The following FAM53A variants were observed in gnomAD, a reference collection of about 807,000 sequenced individuals.
The protein encoded by FAM53A is protein FAM53A.
A neutral mutation model predicts 26.6 loss-of-function variants in FAM53A; 28 were observed. That is an observed-to-expected ratio of 1.05 (90% CI 0.78 to 1.45). FAM53A has a LOEUF of 1.45. FAM53A is among the 40% of genes most tolerant of loss of function. FAM53A has a pLI of 0.00. For synonymous variants in FAM53A, 290 were observed against 253.1 expected, an observed-to-expected ratio of 1.15 and a Z score of -1.38; for missense variants, 650 against 575.8, an observed-to-expected ratio of 1.13 and a Z score of -1.32.
downstream of FAM53A, among the ~76,000 whole-genome samples, chr4:1,637,152 T>TGGGCTG (rs1195967364): frequency 7.2e-6 from 1 of 139,368 alleles, no homozygotes; most frequent in Non-Finnish European, 1.6e-5. Context: ...GGCTCTCAGC[T>TGGGCTG]GGGCTGGGCT....
At chr4:1,635,453 T>C (rs534984310), downstream of FAM53A, among the ~76,000 whole-genome samples, 1 of 152,284 alleles carries the variant, frequency 6.6e-6, no homozygotes, top group South Asian at 2.1e-4. Context: ...TTTTTATTTT[T>C]AGTAGAGACG....
chr4:1,660,500 G>C (rs896291223), intron 2 of FAM53A, among the ~76,000 whole-genome samples: 2 of 151,332 alleles, frequency 1.3e-5, no homozygotes, highest in Admixed American at 1.3e-4. Flanking sequence ...GAGGTGGGAG[G>C]ATTGCTTGGG....
chr4:1,622,951 C>T (rs906895422), intron 1 of FAM53A, among the ~76,000 whole-genome samples: 6 of 152,240 alleles, frequency 3.9e-5, no homozygotes, highest in South Asian at 2.1e-4. Flanking sequence ...GGGCCTCCCG[C>T]GTGTCCCTCC....
the FAM53A span, among the ~76,000 whole-genome samples, chr4:1,582,766 G>A: frequency 6.6e-6 from 1 of 152,186 alleles, no homozygotes; most frequent in Non-Finnish European, 1.5e-5. Flanking sequence ...GAGACAGGAG[G>A]ATCACTGGAG....
Position 1,651,985 on chromosome 4 carries a change from G to A in FAM53A, c.882+2993C>T, listed in dbSNP as rs145719519. On this transcript the variant is annotated intron_variant, in intron 4 of 4. Transcript: ENST00000308132. The stretch of plus-strand genomic sequence containing the variant: ...CACACCATGCACGCACACACCACAC[G>A]CACACCTCACACACACACCACACAC... 4.7e-4 allele frequency among the ~76,000 whole-genome samples: 60 copies of A among 127,166 alleles called. No individual in the cohort carries two copies. The East Asian group carries it at 7.7e-3, about 16-fold the overall frequency. The allele number at this position is 127,166 out of a possible 152,430, so 83.4% of individuals were successfully genotyped here. A position where few individuals can be genotyped will look rare whatever the true frequency, so the allele number is the denominator to read the frequency against.
chr4:1,655,257 A>G lies in FAM53A; in HGVS notation c.603T>C (p.Ser201=). Reference sequence around the variant, plus strand: ...AACACCAGAGCGGGCCTGAGCCCGCACTGCCCTCGCTGCTGTCCACGAAGC... The same window carrying G: ...AACACCAGAGCGGGCCTGAGCCCGCGCTGCCCTCGCTGCTGTCCACGAAGC... ...SGGFVDSSEG[S]AGSGPLWCSA... is the part of the protein sequence containing the mutation. The change falls in exon 4 of 5, where the codon AGT becomes AGC. Residue 201 remains serine (S), a synonymous_variant. Transcript: ENST00000308132. 1 of 1,465,058 alleles carries G rather than the reference A, an allele frequency of 6.8e-7. No homozygotes were observed. The highest frequency in any genetic ancestry group is 1.4e-5 in the South Asian group (1 of 71,390). The allele number at this position is 1,465,058 out of a possible 1,614,324, so 90.8% of individuals were successfully genotyped here. A position where few individuals can be genotyped will look rare whatever the true frequency, so the allele number is the denominator to read the frequency against.
rs116111319 is a variant in FAM53A at position 1,675,382 on chromosome 4, T to G, written c.-164-6477A>C. ...GGCGCCGGCCCCTCCAAACAGGAAGTGGTCCCTCCCAAGCCCACGAGCACT... is the reference window on the plus strand; with the variant it reads ...GGCGCCGGCCCCTCCAAACAGGAAGGGGTCCCTCCCAAGCCCACGAGCACT... On this transcript the variant is annotated intron_variant, in intron 1 of 4. Transcript: ENST00000308132. Among the ~76,000 whole-genome samples, 980 of 152,214 alleles carry G rather than the reference T, an allele frequency of 6.4e-3. 12 individuals carry two copies. The highest frequency in any genetic ancestry group is 0.022 in the African/African-American group (922 of 41,520).
chr4:1,675,112 T>C (rs139686589), intron 1 of FAM53A, among the ~76,000 whole-genome samples: 1 of 152,244 alleles, frequency 6.6e-6, no homozygotes, highest in African/African-American at 2.4e-5. Flanking sequence ...GACTGAAAGC[T>C]AAACAAGAGG....
At chr4:1,610,619 G>A in the FAM53A span, among the ~76,000 whole-genome samples, 3 of 149,724 alleles carry the variant, frequency 2.0e-5, no homozygotes, top group Admixed American at 2.0e-4. Flanking sequence ...CCCCAGGCAG[G>A]GCATCTGGGC....
At chr4:1,648,369 G>A (rs1292872887) in intron 4 of FAM53A, among the ~76,000 whole-genome samples, 2 of 152,198 alleles carry the variant, frequency 1.3e-5, no homozygotes, top group Admixed American at 1.3e-4. Context: ...ACAGACGGCA[G>A]ATGAGGGACA....
chr4:1,667,734 G>A (rs1458972603), intron 2 of FAM53A, among the ~76,000 whole-genome samples: 1 of 152,064 alleles, frequency 6.6e-6, no homozygotes, highest in Non-Finnish European at 1.5e-5. Flanking sequence ...CAAATGCAAC[G>A]TGCCCACGTC....
At chr4:1,636,757 G>A (rs1464825442), downstream of FAM53A, among the ~76,000 whole-genome samples, 2 of 152,242 alleles carry the variant, frequency 1.3e-5, no homozygotes, top group Non-Finnish European at 1.5e-5. Context: ...AGGGGTCCGC[G>A]TCTGCGTCTG....
At position 1,654,763 on chromosome 4, in the gene FAM53A, G is replaced by A. The variant is rs186990432; in HGVS notation, c.882+215C>T. Among the ~76,000 whole-genome samples, 1,226 of 152,318 alleles carry A rather than the reference G, an allele frequency of 8.0e-3. 7 individuals carry two copies. Among genetic ancestry groups the A allele is most frequent in the Non-Finnish European group, 0.013 (910 of 68,012 alleles). ...GCCGTGTGTGGGGCTCTGCCTCTGC[G>A]GGAGCAGGCGGGGTGAGCTGGGTGC... On this transcript the variant is annotated intron_variant, in intron 4 of 4. Transcript: ENST00000308132.
intron 2 of FAM53A, among the ~76,000 whole-genome samples, chr4:1,662,118 CA>C (rs1713877012): frequency 6.6e-6 from 1 of 151,954 alleles, no homozygotes; most frequent in Non-Finnish European, 1.5e-5. Flanking sequence ...CCATTGAGCA[CA>C]AGAGGTGGAA....
Position 1,655,456 on chromosome 4 carries a change from G to C in FAM53A, c.404C>G (p.Ser135Cys). The change falls in exon 4 of 5, where the codon TCC (serine) becomes TGC (cysteine). Residue 135 changes from serine (S) to cysteine (C), a missense_variant. Ser to Cys is a moderately radical substitution (Grantham distance 112). Transcript: ENST00000308132. ...SEPEELVRCR[S>C]PWRPGSSKVW... ...CTTGGAGCTGCCGGGGCGCCAGGGG[G>C]ACCGGCAGCGCACAAGCTCCTCGGG... The C allele has an allele frequency of 6.5e-7, 1 of 1,549,502 alleles. No individual in the cohort carries two copies.
At chr4:1,595,966 G>A in the FAM53A span, among the ~76,000 whole-genome samples, 2,908 of 152,356 alleles carry the variant, frequency 0.019, 29 homozygotes, top group African/African-American at 0.036. Context: ...CCCAAGGCAC[G>A]GCTGAGCTCA....
chr4:1,660,327 C>G (rs957599205), intron 2 of FAM53A, among the ~76,000 whole-genome samples: 4 of 140,420 alleles, frequency 2.8e-5, no homozygotes, highest in African/African-American at 1.2e-4. Flanking sequence ...GGGCCGGACA[C>G]AGGGAAATCC....
At chr4:1,642,013 C>T (rs1711763195) in intron 4 of FAM53A, among the ~76,000 whole-genome samples, 1 of 152,132 alleles carries the variant, frequency 6.6e-6, no homozygotes, top group Non-Finnish European at 1.5e-5. Context: ...TGCCTTGTGC[C>T]TCCACTTCTG....
chr4:1,591,584 C>A, the FAM53A span, among the ~76,000 whole-genome samples: 2 of 152,204 alleles, frequency 1.3e-5, no homozygotes, highest in Non-Finnish European at 2.9e-5. Flanking sequence ...ACATCAAATA[C>A]CCTAGTTCAT....
Sources: gnomAD v4.1 joint callset for allele counts (sites outside exome capture counted in the v4.1 genomes callset) on GRCh38, gnomAD v4.1.1 for gene constraint, MANE v1.5 for transcripts, NCBI Gene and HGNC (gene_info 2026-07-23, HGNC 2026-07-21) for gene names.